The following SPATA22 variants were observed in gnomAD, a reference collection of about 807,000 sequenced individuals.
SPATA22 encodes the protein spermatogenesis associated 22, also known as spermatogenesis-associated protein 22.
A neutral mutation model predicts 47.8 loss-of-function variants in SPATA22; 29 were observed. The ratio of observed to expected loss-of-function variants is 0.61; its 90% CI spans 0.45 to 0.83. The LOEUF is 0.83. SPATA22 is among the 40% of genes least tolerant of loss of function. The pLI is 0.00. For synonymous variants in SPATA22, 133 were observed against 140.9 expected, an observed-to-expected ratio of 0.94 and a Z score of 0.40; for missense variants, 410 against 421.7, an observed-to-expected ratio of 0.97 and a Z score of 0.24.
chr17:3,502,487 T>A (rs556115520), intron 1 of SPATA22: 2 of 152,212 alleles, frequency 1.3e-5, no homozygotes, highest in African/African-American at 4.8e-5. Flanking sequence ...TTAATGGTAA[T>A]ATACTAAGCG....
chr17:3,454,017 T>C (rs34599790), intron 5 of SPATA22, among the ~76,000 whole-genome samples: 30,951 of 151,796 alleles, frequency 0.2, 3,625 homozygotes, highest in East Asian at 0.43. Flanking sequence ...AAAAAATGAA[T>C]TCAGTAAAAT....
intron 5 of SPATA22, among the ~76,000 whole-genome samples, chr17:3,458,876 A>AAAAAAAAAAAAAAAAAAAAAAG: frequency 6.6e-6 from 1 of 151,258 alleles, no homozygotes; most frequent in African/African-American, 2.4e-5. Context: ...AAAAAAAAAA[A>AAAAAAAAAAAAAAAAAAAAAAG]AAAATTCCAA....
At chr17:3,489,388 T>G (rs1458571910) in intron 1 of SPATA22, 1 of 1,461,094 alleles carries the variant, frequency 6.8e-7, no homozygotes, top group African/African-American at 1.4e-5. Context: ...CCACCAAACA[T>G]TTAAATAACA....
intron 1 of SPATA22, among the ~76,000 whole-genome samples, chr17:3,492,945 A>C (rs1231641665): frequency 6.6e-6 from 1 of 152,180 alleles, no homozygotes; most frequent in Non-Finnish European, 1.5e-5. Context: ...AAGCCACTAA[A>C]TTCTGGGGTA....
intron 1 of SPATA22, among the ~76,000 whole-genome samples, chr17:3,482,504 C>G (rs1471387333): frequency 6.6e-6 from 1 of 151,112 alleles, no homozygotes; most frequent in African/African-American, 2.4e-5. Context: ...AAGAGTGTGG[C>G]CTGTGCTCAG....
intron 2 of SPATA22, 152 bp from the exon 3 acceptor site, chr17:3,467,706 A>T (rs1345369638): frequency 1.6e-6 from 1 of 626,978 alleles, no homozygotes. Context: ...TGATTTTTAC[A>T]TTCTTTTTAA....
intron 8 of SPATA22, among the ~76,000 whole-genome samples, chr17:3,442,910 G>A (rs1183961898): frequency 6.6e-6 from 1 of 151,764 alleles, no homozygotes; most frequent in Admixed American, 6.6e-5. Flanking sequence ...TAACATTTCT[G>A]TACCATTCTA....
intron 1 of SPATA22, among the ~76,000 whole-genome samples, chr17:3,469,774 C>T (rs1029928856): frequency 1.3e-5 from 2 of 152,170 alleles, no homozygotes; most frequent in African/African-American, 4.8e-5. Flanking sequence ...ATTTAGCCAC[C>T]GGGAACTTCC....
At chr17:3,482,539 C>G (rs1597430938) in intron 1 of SPATA22, among the ~76,000 whole-genome samples, 1 of 150,940 alleles carries the variant, frequency 6.6e-6, no homozygotes, top group African/African-American at 2.4e-5. Flanking sequence ...CTTCACTAAC[C>G]TTAGACAAAA....
chr17:3,477,582 A>C lies in SPATA22; in HGVS notation c.-73-8184T>G, dbSNP rs191700855. Reference sequence around the variant, plus strand: ...ATTCTCCTGCCTCAACCTCCCGAGTAGCTGGGATTACAGGCACTTGCCACC... The same window carrying C: ...ATTCTCCTGCCTCAACCTCCCGAGTCGCTGGGATTACAGGCACTTGCCACC... On this transcript the variant is annotated intron_variant, in intron 1 of 8. Coordinates refer to the SPATA22 transcript ENST00000541913. 7.9e-3 allele frequency among the ~76,000 whole-genome samples: 1,200 copies of C among 152,034 alleles called. 8 individuals carry two copies. Among genetic ancestry groups the C allele is most frequent in the Middle Eastern group, 0.017 (5 of 294 alleles).
Position 3,471,808 on chromosome 17 carries a change from A to C in SPATA22, c.-200T>G. On this transcript the variant is annotated 5_prime_UTR_variant, in exon 1 of 9. Coordinates refer to ENST00000572969, the MANE Select transcript of SPATA22 (RefSeq NM_001170698.2). ...CGCCGCCCTTCCCGCCCGCGAAGAA[A>C]GCGCGGGAATCAGGCTGTTCGCAGG... 1 of 985,448 alleles carries C rather than the reference A, an allele frequency of 1.0e-6. No homozygotes were observed. The highest frequency in any genetic ancestry group is 1.2e-6 in the Non-Finnish European group (1 of 829,928). The allele number at this position is 985,448 out of a possible 1,614,324, so 61.0% of individuals were successfully genotyped here. A position where few individuals can be genotyped will look rare whatever the true frequency, so the allele number is the denominator to read the frequency against.
chr17:3,451,162 G>C (rs1597391768), intron 5 of SPATA22, among the ~76,000 whole-genome samples: 2 of 151,252 alleles, frequency 1.3e-5, no homozygotes, highest in Admixed American at 1.3e-4. Flanking sequence ...GGGTGGCTAA[G>C]TTTATGTCAG....
intron 1 of SPATA22, among the ~76,000 whole-genome samples, chr17:3,492,449 G>A (rs2073840978): frequency 3.3e-5 from 5 of 152,218 alleles, no homozygotes; most frequent in Admixed American, 3.3e-4. Flanking sequence ...CTTGGAAGGT[G>A]TGGTAGATTT....
intron 1 of SPATA22, among the ~76,000 whole-genome samples, chr17:3,506,988 A>AAGGAAGGAAGGGAGGG (rs779448867): frequency 0.14 from 19,266 of 137,584 alleles, 1,463 homozygotes; most frequent in African/African-American, 0.21. Context: ...AGGAAAAGAG[A>AAGGAAGGAAGGGAGGG]AGGAAGGGAG....
chr17:3,494,451 A>T, intron 1 of SPATA22: 2 of 1,599,114 alleles, frequency 1.3e-6, no homozygotes, highest in Non-Finnish European at 1.7e-6. Context: ...CATCCATCCT[A>T]ATCTGCAGGT....
intron 1 of SPATA22, among the ~76,000 whole-genome samples, chr17:3,493,694 C>G (rs2073863440): frequency 6.6e-6 from 1 of 151,866 alleles, no homozygotes; most frequent in Non-Finnish European, 1.5e-5. Flanking sequence ...TAAGCTAATC[C>G]AATACCTTCA....
At chr17:3,506,948 GAA>G (rs2074045550) in intron 1 of SPATA22, among the ~76,000 whole-genome samples, 2 of 128,418 alleles carry the variant, frequency 1.6e-5, no homozygotes, top group Non-Finnish European at 3.2e-5. Context: ...CGGAAAGACA[GAA>G]AAAGAGAGAG....
At position 3,466,228 on chromosome 17, in the gene SPATA22, CT is replaced by C. The variant is rs775769182; in HGVS notation, c.172+1197del. Among the ~76,000 whole-genome samples the C allele has an allele frequency of 3.3e-5, 5 of 150,218 alleles. No homozygotes were observed. The East Asian group carries it at 9.7e-4, about 29-fold the overall frequency. On this transcript the variant is annotated intron_variant, in intron 3 of 8. Transcript: ENST00000572969. ...GCTACATCAGAGATATTTTTAAATT[CT>C]AGCTATATAAGATCCTATTAATTTT...
At chr17:3,442,584 T>A (rs1433939208) in intron 8 of SPATA22, among the ~76,000 whole-genome samples, 1 of 151,940 alleles carries the variant, frequency 6.6e-6, no homozygotes, top group Non-Finnish European at 1.5e-5. Flanking sequence ...TCCCCCACTT[T>A]CAGAACCACT....
Sources: gnomAD v4.1 joint callset for allele counts (sites outside exome capture counted in the v4.1 genomes callset) on GRCh38, gnomAD v4.1.1 for gene constraint, MANE v1.5 for transcripts, NCBI Gene and HGNC (gene_info 2026-07-23, HGNC 2026-07-21) for gene names.